Variants in ITFG1 observed in about 807,000 individuals in gnomAD.
ITFG1 encodes integrin alpha FG-GAP repeat containing 1, also known as T-cell immunomodulatory protein.
A neutral mutation model predicts 81.8 loss-of-function variants in ITFG1; 34 were observed. That is an observed-to-expected ratio of 0.42 (90% CI 0.32 to 0.55). The LOEUF is 0.55. ITFG1 is among the 20% of genes least tolerant of loss of function. The pLI, the probability that ITFG1 is intolerant of heterozygous loss-of-function variation, is 0.17. For missense variants in ITFG1, 672 were observed against 755.4 expected (o/e 0.89, Z 1.29); for synonymous variants, 285 against 270.6 (o/e 1.05, Z -0.52).
chr16:47,302,344 G>A (rs142198372), intron 10 of ITFG1, among the ~76,000 whole-genome samples: 3 of 151,756 alleles, frequency 2.0e-5, no homozygotes, highest in African/African-American at 7.2e-5. Flanking sequence ...GTCCTGCTGA[G>A]GAAAAGACCT....
At chr16:47,396,119 T>C in intron 6 of ITFG1, 1 of 974,440 alleles carries the variant, frequency 1.0e-6, no homozygotes, top group South Asian at 4.7e-5. Flanking sequence ...CTTTCCATTT[T>C]CTTAAGTATA....
intron 14 of ITFG1, among the ~76,000 whole-genome samples, chr16:47,183,541 C>T (rs779574549): frequency 8.5e-5 from 13 of 152,140 alleles, no homozygotes; most frequent in African/African-American, 2.2e-4. Flanking sequence ...ACACCTCGCA[C>T]GGCCGGGTAC....
intron 10 of ITFG1, chr16:47,263,300 G>A (rs750796349): frequency 2.2e-6 from 1 of 460,152 alleles, no homozygotes; most frequent in Non-Finnish European, 4.4e-6. Flanking sequence ...TATGAATCAG[G>A]GCTATTCCTA....
At position 47,155,685 on chromosome 16, in the gene ITFG1, A is replaced by G; in HGVS notation, c.*34T>C. ...AATTTGTGTTTCAACTAATCAAGTG[A>G]ACAGCCATTCCATTATGTAATATTA... On this transcript the variant is annotated 3_prime_UTR_variant, in exon 18 of 18. Transcript: ENST00000320640. 6.9e-7 allele frequency: 1 copy of G among 1,453,846 alleles called. No individual in the cohort carries two copies. Among genetic ancestry groups the G allele is most frequent in the Non-Finnish European group, 9.5e-7 (1 of 1,052,578 alleles). 90.1% of individuals were successfully genotyped at this position (1,453,846 alleles called of 1,614,324 possible).
chr16:47,316,094 T>G (rs180951837), intron 8 of ITFG1, among the ~76,000 whole-genome samples: 1 of 152,300 alleles, frequency 6.6e-6, no homozygotes, highest in African/African-American at 2.4e-5. Context: ...TCTGGCCTTA[T>G]TTTTAAAAAA....
intron 12 of ITFG1, among the ~76,000 whole-genome samples, chr16:47,245,923 T>C (rs1965997652): frequency 6.6e-6 from 1 of 151,958 alleles, no homozygotes; most frequent in Admixed American, 6.6e-5. Context: ...TTTGCAAGAC[T>C]ATGTGGCCAC....
At chr16:47,346,109 C>T (rs1967851616) in intron 8 of ITFG1, among the ~76,000 whole-genome samples, 1 of 152,160 alleles carries the variant, frequency 6.6e-6, no homozygotes, top group Non-Finnish European at 1.5e-5. Context: ...CAAGATGTGT[C>T]CAGTTGGTTT....
intron 13 of ITFG1, among the ~76,000 whole-genome samples, chr16:47,225,233 A>T (rs962634438): frequency 6.6e-6 from 1 of 152,166 alleles, no homozygotes; most frequent in Admixed American, 6.5e-5. Flanking sequence ...AATTCATATT[A>T]TCTAGTCTGA....
intron 10 of ITFG1, among the ~76,000 whole-genome samples, chr16:47,267,395 CA>C (rs1307312457): frequency 5.9e-5 from 9 of 152,082 alleles, no homozygotes; most frequent in African/African-American, 1.9e-4. Context: ...GGCCTGATGA[CA>C]TAACTTCAAA....
chr16:47,329,372 A>G (rs1239031884), intron 8 of ITFG1, among the ~76,000 whole-genome samples: 2 of 152,122 alleles, frequency 1.3e-5, no homozygotes, highest in African/African-American at 2.4e-5. Context: ...GATTCCATGT[A>G]TGACATTCTA....
intron 6 of ITFG1, among the ~76,000 whole-genome samples, chr16:47,415,403 A>G (rs955851610): frequency 2.0e-5 from 3 of 152,218 alleles, no homozygotes; most frequent in Non-Finnish European, 4.4e-5. Flanking sequence ...TCAGAATGAC[A>G]TGATCAGGTT....
intron 6 of ITFG1, among the ~76,000 whole-genome samples, chr16:47,395,015 T>C (rs1460178294): frequency 6.6e-6 from 1 of 152,166 alleles, no homozygotes; most frequent in Admixed American, 6.5e-5. Context: ...TCCATTATGA[T>C]TATGGACAAT....
chr16:47,250,963 T>C (rs1966067206), intron 12 of ITFG1, among the ~76,000 whole-genome samples: 1 of 152,200 alleles, frequency 6.6e-6, no homozygotes, highest in Non-Finnish European at 1.5e-5. Flanking sequence ...AAAGCTGCAT[T>C]TGTTACTTGG....
At chr16:47,234,042 G>C (rs1184847322) in intron 13 of ITFG1, among the ~76,000 whole-genome samples, 1 of 152,160 alleles carries the variant, frequency 6.6e-6, no homozygotes, top group Non-Finnish European at 1.5e-5. Context: ...CCACAGTAAA[G>C]GTCTACCTTA....
At chr16:47,364,691 A>G (rs1228684713) in intron 8 of ITFG1, among the ~76,000 whole-genome samples, 1 of 152,224 alleles carries the variant, frequency 6.6e-6, no homozygotes, top group East Asian at 1.9e-4. Context: ...AAAATACAGG[A>G]CAACATAGAG....
intron 8 of ITFG1, among the ~76,000 whole-genome samples, chr16:47,316,529 A>G (rs1258353235): frequency 6.6e-6 from 1 of 152,178 alleles, no homozygotes; most frequent in Non-Finnish European, 1.5e-5. Context: ...CAAACAATGC[A>G]TTTATCCAAT....
chr16:47,332,670 G>C (rs967993596), intron 8 of ITFG1, among the ~76,000 whole-genome samples: 1 of 152,168 alleles, frequency 6.6e-6, no homozygotes, highest in Non-Finnish European at 1.5e-5. Context: ...ATGAGAAAAT[G>C]GAGGCCCAGA....
At chr16:47,445,801 TC>T (rs1969317410) in intron 5 of ITFG1, among the ~76,000 whole-genome samples, 1 of 152,098 alleles carries the variant, frequency 6.6e-6, no homozygotes, top group Admixed American at 6.6e-5. Flanking sequence ...TACAATGAAG[TC>T]CAAGCTAGCC....
At chr16:47,450,478 A>G (rs1235844323) in intron 5 of ITFG1, 1 of 392,282 alleles carries the variant, frequency 2.5e-6, no homozygotes, top group South Asian at 1.9e-5. Context: ...AAGTAATAGG[A>G]AATGTTAAAG....
Sources: gnomAD v4.1 joint callset for allele counts (sites outside exome capture counted in the v4.1 genomes callset) on GRCh38, gnomAD v4.1.1 for gene constraint, MANE v1.5 for transcripts, NCBI Gene and HGNC (gene_info 2026-07-23, HGNC 2026-07-21) for gene names.